The following AP3D1 variants were observed in gnomAD, a reference collection of about 807,000 sequenced individuals.
AP3D1 encodes adaptor related protein complex 3 subunit delta 1, also known as AP-3 complex subunit delta-1.
In AP3D1, 51 loss-of-function variants were observed where a neutral mutation model predicts 147.6. The ratio of observed to expected loss-of-function variants is 0.35; its 90% confidence interval spans 0.28 to 0.44. The LOEUF is 0.44. Ranked by LOEUF, AP3D1 falls within the 20% of genes least tolerant of loss-of-function variation. AP3D1 has a pLI of 1.00. For synonymous variants in AP3D1, 760 were observed against 663.0 expected (o/e 1.15, Z -2.25); for missense variants, 1,421 against 1,624.2 (o/e 0.87, Z 2.15).
At chr19:2,141,913 C>T (rs1193157146) in intron 1 of AP3D1, among the ~76,000 whole-genome samples, 4 of 150,002 alleles carry the variant, frequency 2.7e-5, no homozygotes, top group Non-Finnish European at 4.4e-5. Context: ...CCATATTGGG[C>T]GAATTTTTAA....
intron 26 of AP3D1, 121 bp from the exon 27 acceptor site, chr19:2,111,017 G>C (rs1435549499): frequency 1.7e-6 from 2 of 1,173,540 alleles, no homozygotes; most frequent in East Asian, 2.6e-5. Flanking sequence ...AAGGCACGGA[G>C]AGGGGCGCCC....
Position 2,109,699 on chromosome 19 carries a change from C to T in AP3D1, c.3350+174G>A, listed in dbSNP as rs1228871513. On this transcript the variant is annotated intron_variant, in intron 29 of 31. Transcript: ENST00000643116. ...CTGGCCTGTGGCTTCAACTACACGG[C>T]CCCGGCTGGCGCAGACACCAGGCAG... 8 of 638,654 alleles carry T rather than the reference C, an allele frequency of 1.3e-5. No individual in the cohort carries two copies. In the African/African-American group the frequency reaches 1.3e-4, roughly 10 times the overall value. 39.6% of individuals were successfully genotyped at this position (638,654 alleles called of 1,614,324 possible). A position where few individuals can be genotyped will look rare whatever the true frequency, so the allele number is the denominator to read the frequency against.
chr19:2,115,439 G>A lies in AP3D1; in HGVS notation c.2150-21C>T, dbSNP rs200066440. On this transcript the variant is annotated intron_variant, in intron 19 of 31. Coordinates refer to ENST00000643116, the MANE Select transcript of AP3D1 (RefSeq NM_001261826.3). ...CAGCCCTGCGGGCCGGCAGCGGGCA[G>A]CCACTCAGCACTGCACCCCAGGGGC... 159 of 1,608,776 alleles carry A rather than the reference G, an allele frequency of 9.9e-5. No individual in the cohort carries two copies. The East Asian group carries it at 1.9e-3, about 20-fold the overall frequency.
chr19:2,139,255 G>A (rs1051367222), intron 1 of AP3D1, among the ~76,000 whole-genome samples: 3 of 152,162 alleles, frequency 2.0e-5, no homozygotes, highest in East Asian at 1.9e-4. Flanking sequence ...GAACTTGGCC[G>A]TGGTGGTGGC....
At chr19:2,105,505 T>C (rs911671106) in intron 31 of AP3D1, among the ~76,000 whole-genome samples, 3 of 152,222 alleles carry the variant, frequency 2.0e-5, no homozygotes, top group African/African-American at 7.2e-5. Flanking sequence ...ATTCGGCCCA[T>C]CCATTCGTTT....
upstream of AP3D1, among the ~76,000 whole-genome samples, chr19:2,155,929 T>C (rs1227006478): frequency 4.0e-5 from 6 of 151,592 alleles, no homozygotes; most frequent in African/African-American, 1.5e-4. Flanking sequence ...GGCGGGCGCC[T>C]GTAGTCCCAG....
chr19:2,119,079 G>A (rs1296107155), intron 14 of AP3D1, among the ~76,000 whole-genome samples: 1 of 152,202 alleles, frequency 6.6e-6, no homozygotes, highest in Non-Finnish European at 1.5e-5. Flanking sequence ...GTCAGAAGAG[G>A]AAAAAGGACA....
intron 18 of AP3D1, 24 bp downstream of exon 18, chr19:2,116,183 C>T: frequency 6.2e-7 from 1 of 1,611,906 alleles, no homozygotes; most frequent in Non-Finnish European, 8.5e-7. Flanking sequence ...TGCTGAGGGA[C>T]AGGCACCCGG....
intron 31 of AP3D1, among the ~76,000 whole-genome samples, chr19:2,108,486 G>A (rs2018173208): frequency 6.6e-6 from 1 of 152,250 alleles, no homozygotes; most frequent in African/African-American, 2.4e-5. Context: ...AGCGCAGCAG[G>A]AGGCAGAAGC....
chr19:2,161,155 GT>G lies in AP3D1; in HGVS notation c.-103+3200del, dbSNP rs58654241. Among the ~76,000 whole-genome samples the G allele has an allele frequency of 8.0e-3, 997 of 125,396 alleles. 2 individuals carry two copies. Among genetic ancestry groups the G allele is most frequent in the Middle Eastern group, 0.016 (4 of 246 alleles). 82.3% of individuals were successfully genotyped at this position (125,396 alleles called of 152,430 possible). ...TCTGGCCCATCAGGAGCTTCTCCTA[GT>G]TTTTTTTTTTTTTTTTTTTTTTGAG... On this transcript the variant is annotated intron_variant, in intron 1 of 14. Coordinates refer to the AP3D1 transcript ENST00000643010.
chr19:2,130,981 C>T (rs2018922993), intron 5 of AP3D1, among the ~76,000 whole-genome samples: 1 of 152,258 alleles, frequency 6.6e-6, no homozygotes, highest in African/African-American at 2.4e-5. Flanking sequence ...CATGATGGGG[C>T]ACTGACATCC....
At chr19:2,125,644 A>G (rs2018733068) in intron 9 of AP3D1, among the ~76,000 whole-genome samples, 1 of 152,156 alleles carries the variant, frequency 6.6e-6, no homozygotes, top group Non-Finnish European at 1.5e-5. Context: ...ATATAAAAGT[A>G]GATGGTAATT....
intron 1 of AP3D1, among the ~76,000 whole-genome samples, chr19:2,144,296 G>A (rs781529753): frequency 9.2e-5 from 14 of 152,092 alleles, no homozygotes; most frequent in Non-Finnish European, 1.5e-4. Flanking sequence ...TCAACAGCCC[G>A]GGACACCGTC....
At chr19:2,105,208 A>T (rs1228092037) in intron 31 of AP3D1, among the ~76,000 whole-genome samples, 2 of 152,220 alleles carry the variant, frequency 1.3e-5, no homozygotes, top group Admixed American at 1.3e-4. Context: ...GAGGGGCAGC[A>T]GCCCAGGCTG....
intron 9 of AP3D1, 149 bp downstream of exon 9, chr19:2,127,003 C>A: frequency 2.5e-6 from 2 of 786,174 alleles, no homozygotes; most frequent in Non-Finnish European, 4.1e-6. Flanking sequence ...GGACTCCCAG[C>A]CAGCCCCAGG....
intron 31 of AP3D1, among the ~76,000 whole-genome samples, chr19:2,107,582 T>A (rs2018146766): frequency 6.6e-6 from 1 of 151,178 alleles, no homozygotes; most frequent in South Asian, 2.1e-4. Context: ...CTACTAAAAA[T>A]ACAAAAAATT....
rs139859870 is a variant in AP3D1, at chr19:2,127,965, T to C, written c.807-764A>G. Among the ~76,000 whole-genome samples, 118 of 152,328 alleles carry C rather than the reference T, an allele frequency of 7.7e-4. 1 individual carries two copies. Among genetic ancestry groups the C allele is most frequent in the Admixed American group, 3.4e-3 (52 of 15,302 alleles). On this transcript the variant is annotated intron_variant, in intron 8 of 31. Coordinates refer to ENST00000643116, the MANE Select transcript of AP3D1 (RefSeq NM_001261826.3). ...GCCATAGCCTAGGAGTGTGGCGAGC[T>C]TCAGCAGTGAAGTCCGTGTGCGCGT... is the stretch of plus-strand genomic sequence containing the variant.
At chr19:2,146,511 G>A (rs1379112380) in intron 1 of AP3D1, among the ~76,000 whole-genome samples, 4 of 151,710 alleles carry the variant, frequency 2.6e-5, no homozygotes, top group Non-Finnish European at 5.9e-5. Flanking sequence ...GGCTGAGGCA[G>A]GAGAATCACT....
At chr19:2,104,545 CGCCAAGACACCAAT>C (rs1349041121) in intron 31 of AP3D1, among the ~76,000 whole-genome samples, 3 of 151,882 alleles carry the variant, frequency 2.0e-5, no homozygotes, top group Middle Eastern at 3.4e-3. Context: ...CAGACCCCAA[CGCCAAGACACCAAT>C]GCCAAGGCCA....
Sources: allele counts gnomAD v4.1 joint callset (sites outside exome capture counted in the v4.1 genomes callset), GRCh38; gene constraint gnomAD v4.1.1; transcripts MANE v1.5; gene names NCBI Gene and HGNC (gene_info 2026-07-23, HGNC 2026-07-21).